Variants in UNC5C observed in about 807,000 individuals in gnomAD.
UNC5C encodes the protein netrin receptor UNC5C.
A neutral mutation model predicts 99.8 loss-of-function variants in UNC5C; 47 were observed. That is an observed-to-expected ratio of 0.47 (90% CI 0.37 to 0.60). The LOEUF (loss-of-function observed/expected upper bound fraction) is 0.60. Among genes scored for constraint, UNC5C ranks in the 20% least tolerant of loss-of-function variants. The pLI is 0.00. For missense variants in UNC5C, 1,062 were observed against 1,165.9 expected (o/e 0.91, Z 1.30); for synonymous variants, 487 against 452.2 (o/e 1.08, Z -0.98).
chr4:95,481,941 A>AGG (rs2062182263), intron 1 of UNC5C, among the ~76,000 whole-genome samples: 1 of 152,120 alleles, frequency 6.6e-6, no homozygotes. Context: ...TTCAGGACAT[A>AGG]GGCATGGGCA....
chr4:95,278,151 C>A (rs1357251760), intron 4 of UNC5C, 108 bp downstream of exon 4: 1 of 895,322 alleles, frequency 1.1e-6, no homozygotes, highest in South Asian at 1.5e-5. Flanking sequence ...CTATTACCAA[C>A]CATTCATCAT....
rs531162719 is a variant in UNC5C, at chr4:95,268,302, G to A, written c.594+9957C>T. Among the ~76,000 whole-genome samples, 25 of 152,276 alleles carry A rather than the reference G, an allele frequency of 1.6e-4. No homozygotes were observed. The South Asian group carries it at 5.0e-3, about 30-fold the overall frequency. Reference sequence around the variant, plus strand: ...CTTTTTAAGGGTTTCAAATACCTAAGAACTTGTTTATTTCTTTAGTTCAGG... The same window carrying A: ...CTTTTTAAGGGTTTCAAATACCTAAAAACTTGTTTATTTCTTTAGTTCAGG... On this transcript the variant is annotated intron_variant, in intron 4 of 15. Coordinates refer to ENST00000453304, the MANE Select transcript of UNC5C (RefSeq NM_003728.4).
intron 1 of UNC5C, among the ~76,000 whole-genome samples, chr4:95,355,192 T>C (rs1744136590): frequency 6.6e-6 from 1 of 152,178 alleles, no homozygotes; most frequent in African/African-American, 2.4e-5. Flanking sequence ...TTTTTGTGGC[T>C]ATAAAATCTG....
intron 1 of UNC5C, among the ~76,000 whole-genome samples, chr4:95,499,492 T>G (rs1471237400): frequency 2.0e-5 from 3 of 152,234 alleles, no homozygotes; most frequent in Admixed American, 6.6e-5. Flanking sequence ...GCAGGTAGCA[T>G]GACCATTCTC....
intron 7 of UNC5C, among the ~76,000 whole-genome samples, chr4:95,238,064 A>C (rs1379650094): frequency 6.6e-6 from 1 of 152,008 alleles, no homozygotes; most frequent in Non-Finnish European, 1.5e-5. Flanking sequence ...ACATACATAC[A>C]TACCTACATA....
At chr4:95,499,519 C>T (rs568076173) in intron 1 of UNC5C, among the ~76,000 whole-genome samples, 1 of 152,208 alleles carries the variant, frequency 6.6e-6, no homozygotes, top group East Asian at 1.9e-4. Context: ...GGAAATCTCA[C>T]TCCCATGCAC....
intron 1 of UNC5C, among the ~76,000 whole-genome samples, chr4:95,405,617 G>T (rs1015178036): frequency 5.3e-5 from 8 of 152,084 alleles, no homozygotes; most frequent in Non-Finnish European, 1.0e-4. Context: ...AATATAAGGG[G>T]TTTATTAAGA....
chr4:95,427,023 T>A (rs1369305210), intron 1 of UNC5C, among the ~76,000 whole-genome samples: 1 of 152,204 alleles, frequency 6.6e-6, no homozygotes, highest in Non-Finnish European at 1.5e-5. Flanking sequence ...AGATGCCATG[T>A]AGGACTTTCA....
intron 4 of UNC5C, among the ~76,000 whole-genome samples, chr4:95,253,344 T>G (rs1739812456): frequency 6.6e-6 from 1 of 151,896 alleles, no homozygotes; most frequent in African/African-American, 2.4e-5. Flanking sequence ...GTATGAAGAG[T>G]TTATTACATG....
At chr4:95,291,805 A>G (rs1386621742) in intron 3 of UNC5C, among the ~76,000 whole-genome samples, 3 of 152,184 alleles carry the variant, frequency 2.0e-5, no homozygotes, top group Admixed American at 2.0e-4. Context: ...TGTCTAAAGT[A>G]TATATTTAAT....
chr4:95,257,238 A>G (rs180680075), intron 4 of UNC5C, among the ~76,000 whole-genome samples: 19 of 152,092 alleles, frequency 1.2e-4, no homozygotes, highest in Non-Finnish European at 2.6e-4. Context: ...CCACACCTCT[A>G]TAAGAAACAT....
chr4:95,439,841 T>G (rs1746898412), intron 1 of UNC5C, among the ~76,000 whole-genome samples: 1 of 152,026 alleles, frequency 6.6e-6, no homozygotes. Flanking sequence ...ACTAAGAAAT[T>G]GAATGTCAGT....
chr4:95,247,031 C>T (rs1739527232), intron 5 of UNC5C, among the ~76,000 whole-genome samples: 1 of 149,476 alleles, frequency 6.7e-6, no homozygotes, highest in Non-Finnish European at 1.5e-5. Flanking sequence ...ACAGTGAAAC[C>T]CTGTCTCAAA....
chr4:95,400,673 G>A (rs542566827), intron 1 of UNC5C, among the ~76,000 whole-genome samples: 1 of 152,258 alleles, frequency 6.6e-6, no homozygotes, highest in East Asian at 1.9e-4. Context: ...TTACAGGCGT[G>A]AGCCACCGCG....
intron 1 of UNC5C, among the ~76,000 whole-genome samples, chr4:95,404,928 G>T (rs748281710): frequency 6.6e-6 from 1 of 152,132 alleles, no homozygotes; most frequent in African/African-American, 2.4e-5. Context: ...GGCAGTTGAA[G>T]AGGAGTTTAG....
rs1217173531 is a variant in UNC5C at position 95,294,252 on chromosome 4, T to C, written c.490+7354A>G. Among the ~76,000 whole-genome samples, 2 of 152,232 alleles carry C rather than the reference T, an allele frequency of 1.3e-5. 1 individual carries two copies. Among genetic ancestry groups the C allele is most frequent in the Non-Finnish European group, 2.9e-5 (2 of 68,032 alleles). ...GACGCTGCTGTTTTAGACAGTGTGC[T>C]GGATACTATAGACTCACGAATATGA... is the stretch of plus-strand genomic sequence containing the variant. On this transcript the variant is annotated intron_variant, in intron 3 of 15. Transcript: ENST00000453304.
chr4:95,200,033 C>G (rs1737593705), intron 12 of UNC5C, among the ~76,000 whole-genome samples: 1 of 152,164 alleles, frequency 6.6e-6, no homozygotes, highest in Admixed American at 6.5e-5. Context: ...CATCCCTTCC[C>G]CAAGACCATG....
chr4:95,224,045 T>G (rs7661876), intron 7 of UNC5C, among the ~76,000 whole-genome samples: 78,141 of 152,008 alleles, frequency 0.51, 21,176 homozygotes, highest in East Asian at 0.73. Flanking sequence ...AACTTTAAGA[T>G]GCTGAGGCAG....
At chr4:95,491,732 G>T (rs1251769816) in intron 1 of UNC5C, among the ~76,000 whole-genome samples, 1 of 151,550 alleles carries the variant, frequency 6.6e-6, no homozygotes, top group African/African-American at 2.4e-5. Flanking sequence ...AGTAAAATAT[G>T]TTGTGTTCCA....
Sources: allele counts gnomAD v4.1 joint callset (sites outside exome capture counted in the v4.1 genomes callset), GRCh38; gene constraint gnomAD v4.1.1; transcripts MANE v1.5; gene names NCBI Gene and HGNC (gene_info 2026-07-23, HGNC 2026-07-21).